Variants in TMEM132D observed in about 807,000 individuals in gnomAD.
The protein encoded by TMEM132D is transmembrane protein 132D.
A neutral mutation model predicts 62.3 loss-of-function variants in TMEM132D; 21 were observed. That is an observed-to-expected ratio of 0.34 (90% confidence interval 0.24 to 0.49). The LOEUF is 0.49. TMEM132D is among the 20% of genes least tolerant of loss of function. The pLI, the probability that TMEM132D is intolerant of heterozygous loss-of-function variation, is 0.99. For missense variants in TMEM132D, 1,346 were observed against 1,402.8 expected, an observed-to-expected ratio of 0.96 and a Z score of 0.65; for synonymous variants, 621 against 575.6, an observed-to-expected ratio of 1.08 and a Z score of -1.13.
At chr12:129,733,357 T>C (rs1362029718) in intron 1 of TMEM132D, among the ~76,000 whole-genome samples, 1 of 152,140 alleles carries the variant, frequency 6.6e-6, no homozygotes, top group Non-Finnish European at 1.5e-5. Flanking sequence ...GTCACCCAGC[T>C]GGTGACAGAG....
intron 2 of TMEM132D, among the ~76,000 whole-genome samples, chr12:129,664,898 T>C (rs1880337342): frequency 6.6e-6 from 1 of 152,146 alleles, no homozygotes. Context: ...AACAGTTGTA[T>C]GTGTAGGACA....
intron 1 of TMEM132D, among the ~76,000 whole-genome samples, chr12:129,766,875 A>G (rs10847939): frequency 0.2 from 30,864 of 152,140 alleles, 3,392 homozygotes; most frequent in South Asian, 0.28. Context: ...GACGCCCACC[A>G]GTACCATGAC....
intron 6 of TMEM132D, among the ~76,000 whole-genome samples, chr12:129,083,432 G>T (rs534585248): frequency 6.6e-6 from 1 of 152,276 alleles, no homozygotes; most frequent in Non-Finnish European, 1.5e-5. Context: ...GGTCTTTGGG[G>T]AATCTTCCCC....
rs1258600637 is a variant in TMEM132D, at chr12:129,071,884, T to C, written c.*1991A>G. The stretch of plus-strand genomic sequence containing the variant: ...ACACAGGTAAGAATGGAAAGAAATA[T>C]GAGGACGTTACTGAAAGCAAAGGAT... On this transcript the variant is annotated 3_prime_UTR_variant, in exon 9 of 9. Transcript: ENST00000422113. 1.3e-5 allele frequency: 2 copies of C among 152,164 alleles called. No homozygotes were observed. The highest frequency in any genetic ancestry group is 4.8e-5 in the African/African-American group (2 of 41,426). The allele number at this position is 152,164 out of a possible 1,614,324, so 9.4% of individuals were successfully genotyped here. A position where few individuals can be genotyped will look rare whatever the true frequency, so the allele number is the denominator to read the frequency against.
chr12:129,772,467 T>C (rs1870785612), intron 1 of TMEM132D, among the ~76,000 whole-genome samples: 1 of 152,296 alleles, frequency 6.6e-6, no homozygotes, highest in South Asian at 2.1e-4. Context: ...AATGTGTATT[T>C]CCATTTTAAC....
intron 3 of TMEM132D, among the ~76,000 whole-genome samples, chr12:129,469,617 G>A (rs563836007): frequency 5.9e-5 from 9 of 152,222 alleles, no homozygotes; most frequent in Non-Finnish European, 1.2e-4. Context: ...GTATACGGCA[G>A]TGACCACCTC....
intron 4 of TMEM132D, among the ~76,000 whole-genome samples, chr12:129,239,496 C>A (rs1879876134): frequency 6.6e-6 from 1 of 152,138 alleles, no homozygotes; most frequent in African/African-American, 2.4e-5. Flanking sequence ...AAGATATGTG[C>A]AAGTTCTAAC....
At chr12:129,484,874 T>C (rs1874536755) in intron 3 of TMEM132D, among the ~76,000 whole-genome samples, 1 of 152,152 alleles carries the variant, frequency 6.6e-6, no homozygotes, top group Admixed American at 6.5e-5. Context: ...AAGGTAGCAG[T>C]GATTACAAAA....
chr12:129,609,318 A>T (rs1477012939), intron 2 of TMEM132D, among the ~76,000 whole-genome samples: 1 of 152,090 alleles, frequency 6.6e-6, no homozygotes, highest in African/African-American at 2.4e-5. Context: ...GTGAACCACT[A>T]TCTGAAAGAG....
intron 3 of TMEM132D, among the ~76,000 whole-genome samples, chr12:129,428,647 A>C (rs11613346): frequency 0.17 from 25,115 of 152,176 alleles, 2,566 homozygotes; most frequent in East Asian, 0.48. Context: ...TCAATTTTAC[A>C]TATTCATGGT....
At chr12:129,784,906 C>A (rs1286237257) in intron 1 of TMEM132D, among the ~76,000 whole-genome samples, 1 of 152,156 alleles carries the variant, frequency 6.6e-6, no homozygotes, top group Non-Finnish European at 1.5e-5. Context: ...TGGACCACAG[C>A]TTTCTGTCTA....
intron 1 of TMEM132D, among the ~76,000 whole-genome samples, chr12:129,877,271 G>A (rs1874444881): frequency 6.6e-6 from 1 of 151,846 alleles, no homozygotes; most frequent in Non-Finnish European, 1.5e-5. Flanking sequence ...CATGGCCGTG[G>A]TACAAACACT....
intron 5 of TMEM132D, among the ~76,000 whole-genome samples, chr12:129,184,800 T>G (rs1297740105): frequency 1.3e-5 from 2 of 151,814 alleles, no homozygotes; most frequent in Non-Finnish European, 2.9e-5. Context: ...ACAATCACCT[T>G]TGGCTGTTTC....
At chr12:129,747,340 A>G (rs1869829205) in intron 1 of TMEM132D, among the ~76,000 whole-genome samples, 1 of 152,108 alleles carries the variant, frequency 6.6e-6, no homozygotes, top group African/African-American at 2.4e-5. Context: ...AGTCTCCTTC[A>G]GGACATTGCC....
intron 4 of TMEM132D, among the ~76,000 whole-genome samples, chr12:129,288,039 G>A (rs1046126102): frequency 1.3e-5 from 2 of 152,102 alleles, no homozygotes; most frequent in African/African-American, 4.8e-5. Flanking sequence ...TGTCCTCTGT[G>A]GTTCCATGTA....
chr12:129,117,231 A>G (rs905570047), intron 5 of TMEM132D, among the ~76,000 whole-genome samples: 1 of 152,050 alleles, frequency 6.6e-6, no homozygotes, highest in Non-Finnish European at 1.5e-5. Context: ...GTAAAACTAT[A>G]GAAACATTAA....
At chr12:129,223,055 G>T (rs1356446958) in intron 4 of TMEM132D, among the ~76,000 whole-genome samples, 1 of 151,976 alleles carries the variant, frequency 6.6e-6, no homozygotes. Flanking sequence ...CCTCAATAAA[G>T]CTGGGGGGAG....
At chr12:129,152,221 T>C (rs1163988297) in intron 5 of TMEM132D, among the ~76,000 whole-genome samples, 3 of 152,130 alleles carry the variant, frequency 2.0e-5, no homozygotes, top group Non-Finnish European at 4.4e-5. Flanking sequence ...ACCAAGAGGC[T>C]CTATGGCCAG....
At chr12:129,137,895 T>TTC (rs1031775454) in intron 5 of TMEM132D, among the ~76,000 whole-genome samples, 5 of 152,026 alleles carry the variant, frequency 3.3e-5, no homozygotes, top group African/African-American at 1.2e-4. Context: ...AAGAGGTTTT[T>TTC]TTTTTCTTTT....
Sources: gnomAD v4.1 joint callset for allele counts (sites outside exome capture counted in the v4.1 genomes callset) on GRCh38, gnomAD v4.1.1 for gene constraint, MANE v1.5 for transcripts, NCBI Gene and HGNC (gene_info 2026-07-23, HGNC 2026-07-21) for gene names.